Variants in GRIK2 observed in about 807,000 individuals in gnomAD.
The protein encoded by GRIK2 is glutamate ionotropic receptor kainate type subunit 2, also known as glutamate receptor ionotropic, kainate 2.
A neutral mutation model predicts 100.3 loss-of-function variants in GRIK2; 32 were observed. The ratio of observed to expected loss-of-function variants is 0.32; its 90% CI spans 0.24 to 0.43. The LOEUF is 0.43. GRIK2 is among the 20% of genes least tolerant of loss of function. GRIK2 has a pLI of 1.00. For synonymous variants in GRIK2, 417 were observed against 389.4 expected, an observed-to-expected ratio of 1.07 and a Z score of -0.83; for missense variants, 843 against 1,114.9, an observed-to-expected ratio of 0.76 and a Z score of 3.47.
At chr6:101,544,848 G>T (rs2128289933) in intron 2 of GRIK2, among the ~76,000 whole-genome samples, 1 of 152,250 alleles carries the variant, frequency 6.6e-6, no homozygotes, top group East Asian at 1.9e-4. Flanking sequence ...TAAAACTCTG[G>T]TCTTCTCAAT....
At chr6:101,916,441 TATTC>T (rs2128467462) in intron 12 of GRIK2, among the ~76,000 whole-genome samples, 1 of 17,892 alleles carries the variant, frequency 5.6e-5, no homozygotes, top group East Asian at 1.8e-3. Flanking sequence ...GGAAGTCTTC[TATTC>T]GAGTGAAAAT....
chr6:101,787,000 A>G (rs1176850214), intron 7 of GRIK2, among the ~76,000 whole-genome samples: 1 of 151,986 alleles, frequency 6.6e-6, no homozygotes, highest in Non-Finnish European at 1.5e-5. Flanking sequence ...TGTTACTCTT[A>G]TTAGCCTGTT....
chr6:101,956,329 G>T (rs561868142), intron 14 of GRIK2, among the ~76,000 whole-genome samples: 1 of 152,008 alleles, frequency 6.6e-6, no homozygotes, highest in African/African-American at 2.4e-5. Flanking sequence ...TATCTATTTG[G>T]AGAATATTGT....
intron 12 of GRIK2, among the ~76,000 whole-genome samples, chr6:101,902,653 T>C (rs1787924859): frequency 6.6e-6 from 1 of 151,966 alleles, no homozygotes; most frequent in Admixed American, 6.6e-5. Flanking sequence ...TTCTTAATTA[T>C]TGAGTTTTCA....
intron 16 of GRIK2, among the ~76,000 whole-genome samples, chr6:102,056,210 A>C (rs973979765): frequency 1.3e-5 from 2 of 151,898 alleles, no homozygotes; most frequent in African/African-American, 4.8e-5. Flanking sequence ...AATATGTATA[A>C]ACTTCAAAAA....
At chr6:101,645,875 GACTA>G (rs559896266) in intron 4 of GRIK2, among the ~76,000 whole-genome samples, 421 of 151,906 alleles carry the variant, frequency 2.8e-3, no homozygotes, top group African/African-American at 9.8e-3. Context: ...GCTCTTTACT[GACTA>G]ACACTACAGT....
intron 7 of GRIK2, among the ~76,000 whole-genome samples, chr6:101,778,476 A>G (rs953412268): frequency 6.6e-5 from 10 of 152,308 alleles, no homozygotes; most frequent in Middle Eastern, 3.4e-3. Context: ...CTAATAAACA[A>G]CAAGTCTTGA....
At chr6:101,769,652 T>G (rs979874480) in intron 7 of GRIK2, among the ~76,000 whole-genome samples, 1 of 152,174 alleles carries the variant, frequency 6.6e-6, no homozygotes, top group East Asian at 1.9e-4. Flanking sequence ...TCTTTCTAAA[T>G]AAATGTATAT....
chr6:101,936,424 T>C (rs1365603970), intron 14 of GRIK2, among the ~76,000 whole-genome samples: 1 of 152,094 alleles, frequency 6.6e-6, no homozygotes, highest in Non-Finnish European at 1.5e-5. Context: ...GTCATTATAT[T>C]TTTATTAGTG....
chr6:101,535,260 G>T (rs117598280), intron 2 of GRIK2, among the ~76,000 whole-genome samples: 1 of 151,820 alleles, frequency 6.6e-6, no homozygotes, highest in East Asian at 1.9e-4. Context: ...CTAAATCTTG[G>T]CTAGAAATGA....
chr6:101,408,375 TG>T (rs530218956), intron 2 of GRIK2, among the ~76,000 whole-genome samples: 2,156 of 148,218 alleles, frequency 0.015, 50 homozygotes, highest in African/African-American at 0.051. Flanking sequence ...AGGGAGGAAG[TG>T]AGAGAGAGAG....
chr6:101,671,834 A>T (rs1463496756), intron 4 of GRIK2, among the ~76,000 whole-genome samples: 1 of 152,156 alleles, frequency 6.6e-6, no homozygotes, highest in East Asian at 1.9e-4. Context: ...ATTGCACTCC[A>T]GCCTGGGTGA....
At chr6:101,986,451 A>T (rs990125148) in intron 14 of GRIK2, among the ~76,000 whole-genome samples, 2 of 151,884 alleles carry the variant, frequency 1.3e-5, no homozygotes, top group Non-Finnish European at 2.9e-5. Flanking sequence ...CTCAGTTTTC[A>T]TATTTTCTTC....
intron 10 of GRIK2, among the ~76,000 whole-genome samples, chr6:101,839,197 C>T (rs1457759769): frequency 6.6e-6 from 1 of 152,144 alleles, no homozygotes; most frequent in African/African-American, 2.4e-5. Context: ...GAATTTGTAT[C>T]TTTGCTCATA....
At chr6:101,819,463 A>G (rs1781822981) in intron 10 of GRIK2, among the ~76,000 whole-genome samples, 1 of 152,198 alleles carries the variant, frequency 6.6e-6, no homozygotes, top group Non-Finnish European at 1.5e-5. Context: ...CAAAGCTGAT[A>G]ATCATGAAGT....
chr6:101,561,284 A>C (rs907609160), intron 2 of GRIK2, among the ~76,000 whole-genome samples: 5 of 152,122 alleles, frequency 3.3e-5, no homozygotes, highest in Admixed American at 2.0e-4. Flanking sequence ...ATTCCAGTCC[A>C]AGAAAAATCA....
intron 2 of GRIK2, among the ~76,000 whole-genome samples, chr6:101,484,911 A>G (rs1772736359): frequency 6.6e-6 from 1 of 152,194 alleles, no homozygotes; most frequent in South Asian, 2.1e-4. Context: ...GGAAACATTT[A>G]TCACTTTTAT....
At chr6:101,938,443 A>G (rs954458055) in intron 14 of GRIK2, among the ~76,000 whole-genome samples, 10 of 152,146 alleles carry the variant, frequency 6.6e-5, no homozygotes, top group East Asian at 3.8e-4. Context: ...CAAACTGAAT[A>G]TAATAAATTC....
At chr6:101,788,369 C>G (rs1187042219) in intron 7 of GRIK2, among the ~76,000 whole-genome samples, 4 of 151,904 alleles carry the variant, frequency 2.6e-5, no homozygotes, top group African/African-American at 9.7e-5. Flanking sequence ...CTGCCCCCAC[C>G]CCACAATAGT....
Sources: gnomAD v4.1 joint callset for allele counts (sites outside exome capture counted in the v4.1 genomes callset) on GRCh38, gnomAD v4.1.1 for gene constraint, MANE v1.5 for transcripts, NCBI Gene and HGNC (gene_info 2026-07-23, HGNC 2026-07-21) for gene names.